The following ROBO2 variants were observed in gnomAD, a reference collection of about 807,000 sequenced individuals.
ROBO2 encodes the protein roundabout homolog 2.
A neutral mutation model predicts 160.8 loss-of-function variants in ROBO2; 53 were observed. That is an observed-to-expected ratio of 0.33 (90% CI 0.26 to 0.41). ROBO2 has a LOEUF of 0.41. ROBO2 is among the 10% of genes least tolerant of loss of function. The pLI is 1.00. For synonymous variants in ROBO2, 664 were observed against 611.7 expected, an observed-to-expected ratio of 1.09 and a Z score of -1.26; for missense variants, 1,577 against 1,722.4, an observed-to-expected ratio of 0.92 and a Z score of 1.49.
intron 2 of ROBO2, among the ~76,000 whole-genome samples, chr3:76,463,277 G>A (rs2078183767): frequency 6.6e-6 from 1 of 151,882 alleles, no homozygotes; most frequent in Non-Finnish European, 1.5e-5. Flanking sequence ...ATGAGGTCAA[G>A]GTACCCTAAC....
intron 2 of ROBO2, among the ~76,000 whole-genome samples, chr3:76,798,304 G>GAAAGAAAGAAAA (rs1289563057): frequency 6.7e-6 from 1 of 149,798 alleles, no homozygotes; most frequent in Admixed American, 6.6e-5. Flanking sequence ...AAGAAAGAAA[G>GAAAGAAAGAAAA]AAAGAAAGAA....
intron 2 of ROBO2, among the ~76,000 whole-genome samples, chr3:76,320,080 C>T (rs1408532550): frequency 6.6e-6 from 1 of 152,070 alleles, no homozygotes; most frequent in East Asian, 1.9e-4. Flanking sequence ...AAACAAACTA[C>T]ACATCAAATT....
intron 2 of ROBO2, among the ~76,000 whole-genome samples, chr3:76,611,801 A>T (rs2088148410): frequency 2.0e-5 from 3 of 151,626 alleles, no homozygotes; most frequent in African/African-American, 7.3e-5. Context: ...TCTGCTACTA[A>T]TTTTTGATTT....
At chr3:77,044,446 A>G (rs2064423395) in intron 1 of ROBO2, among the ~76,000 whole-genome samples, 2 of 152,042 alleles carry the variant, frequency 1.3e-5, no homozygotes, top group South Asian at 4.1e-4. Context: ...TTATCATCTT[A>G]TTTACTATTT....
At chr3:77,624,125 G>C (rs1348496460) in intron 23 of ROBO2, among the ~76,000 whole-genome samples, 3 of 152,102 alleles carry the variant, frequency 2.0e-5, no homozygotes, top group African/African-American at 7.2e-5. Flanking sequence ...AAACCTCAGG[G>C]TGTTTAAGTT....
intron 2 of ROBO2, among the ~76,000 whole-genome samples, chr3:76,361,493 G>A (rs1045216024): frequency 2.6e-5 from 4 of 151,970 alleles, no homozygotes; most frequent in Non-Finnish European, 5.9e-5. Flanking sequence ...AATAAAATAA[G>A]AGTAAAACAA....
intron 2 of ROBO2, among the ~76,000 whole-genome samples, chr3:75,938,513 A>T (rs1341112339): frequency 1.3e-5 from 2 of 152,064 alleles, no homozygotes; most frequent in Non-Finnish European, 2.9e-5. Context: ...TTGAAATGAA[A>T]TCTGTAAGCA....
intron 2 of ROBO2, among the ~76,000 whole-genome samples, chr3:75,966,613 C>G (rs1354746011): frequency 2.0e-5 from 3 of 151,670 alleles, no homozygotes; most frequent in South Asian, 2.1e-4. Context: ...TTTTCTCACA[C>G]AGAAAAATAG....
chr3:76,549,985 C>A (rs1483944868), intron 2 of ROBO2, among the ~76,000 whole-genome samples: 2 of 152,164 alleles, frequency 1.3e-5, no homozygotes, highest in Non-Finnish European at 2.9e-5. Context: ...TGTCAGGCAG[C>A]TAATAATCTA....
chr3:76,296,115 A>T (rs1222118283), intron 2 of ROBO2, among the ~76,000 whole-genome samples: 1 of 152,180 alleles, frequency 6.6e-6, no homozygotes, highest in Non-Finnish European at 1.5e-5. Flanking sequence ...AAATCCAAAG[A>T]CAAGTGTCCC....
In ROBO2 at chr3:76,622,931, G is replaced by A. The variant is rs186472246; in HGVS notation, c.110-475083G>A. On this transcript the variant is annotated intron_variant, in intron 2 of 26. Coordinates refer to the ROBO2 transcript ENST00000487694. ...CTGATATCCAGTGACAGGCTTCCCC[G>A]ATGTGAGAGCCTTCCTCCGCTGTGT... Among the ~76,000 whole-genome samples the A allele has an allele frequency of 6.6e-5, 10 of 152,234 alleles. No homozygotes were observed. In the East Asian group the frequency reaches 1.5e-3, roughly 24 times the overall value.
chr3:76,540,504 T>C (rs1003042692), intron 2 of ROBO2, among the ~76,000 whole-genome samples: 1 of 152,144 alleles, frequency 6.6e-6, no homozygotes, highest in African/African-American at 2.4e-5. Flanking sequence ...TACTAGGACA[T>C]ACAAATAAGC....
At chr3:76,756,992 T>A (rs2061012335) in intron 2 of ROBO2, among the ~76,000 whole-genome samples, 1 of 151,862 alleles carries the variant, frequency 6.6e-6, no homozygotes, top group African/African-American at 2.4e-5. Context: ...CTGATCACAT[T>A]GATGTCCAAA....
chr3:76,207,973 G>A (rs938983934), intron 2 of ROBO2, among the ~76,000 whole-genome samples: 2 of 152,208 alleles, frequency 1.3e-5, no homozygotes, highest in African/African-American at 4.8e-5. Flanking sequence ...TTATGATAGT[G>A]TGTGAGTTCT....
chr3:77,165,494 C>T, intron 2 of ROBO2, among the ~76,000 whole-genome samples: 1 of 148,924 alleles, frequency 6.7e-6, no homozygotes. Flanking sequence ...GCTGACCTTC[C>T]CTCCACTATT....
chr3:76,160,405 C>T (rs990355564), intron 2 of ROBO2, among the ~76,000 whole-genome samples: 1 of 152,026 alleles, frequency 6.6e-6, no homozygotes, highest in Admixed American at 6.6e-5. Context: ...ATTGTGTAAG[C>T]TGAAGTAATT....
intron 2 of ROBO2, among the ~76,000 whole-genome samples, chr3:77,445,506 G>T (rs947024586): frequency 6.6e-6 from 1 of 151,494 alleles, no homozygotes; most frequent in Non-Finnish European, 1.5e-5. Context: ...ATTATATATC[G>T]CAACTAATAG....
At chr3:77,265,525 A>G (rs2059067146) in intron 2 of ROBO2, among the ~76,000 whole-genome samples, 1 of 152,180 alleles carries the variant, frequency 6.6e-6, no homozygotes, top group African/African-American at 2.4e-5. Context: ...TGAAAATAAT[A>G]AATAAAGCCC....
At chr3:77,090,576 G>A (rs2070072815) in intron 1 of ROBO2, among the ~76,000 whole-genome samples, 1 of 151,630 alleles carries the variant, frequency 6.6e-6, no homozygotes, top group Non-Finnish European at 1.5e-5. Context: ...GGATGGTCTC[G>A]ATCTCCTGAC....
Sources: gnomAD v4.1 joint callset for allele counts (sites outside exome capture counted in the v4.1 genomes callset) on GRCh38, gnomAD v4.1.1 for gene constraint, MANE v1.5 for transcripts, NCBI Gene and HGNC (gene_info 2026-07-23, HGNC 2026-07-21) for gene names.